VAV2: variants seen among roughly 807,000 people sequenced by gnomAD.
The protein encoded by VAV2 is vav guanine nucleotide exchange factor 2, also known as guanine nucleotide exchange factor VAV2.
In VAV2, 67 loss-of-function variants were observed where a neutral mutation model predicts 132.5. That is an observed-to-expected ratio of 0.51 (90% CI 0.42 to 0.62). The LOEUF is 0.62. VAV2 is among the 20% of genes least tolerant of loss of function. The probability of loss-of-function intolerance (pLI) is 0.00; values close to 1 mark genes in which losing one functional copy is unlikely to be tolerated. For synonymous variants in VAV2, 492 were observed against 443.5 expected (o/e 1.11, Z -1.37); for missense variants, 938 against 1,153.6 (o/e 0.81, Z 2.71).
At chr9:133,770,751 T>C (rs183979784) in intron 26 of VAV2, among the ~76,000 whole-genome samples, 1 of 152,316 alleles carries the variant, frequency 6.6e-6, no homozygotes, top group African/African-American at 2.4e-5. Flanking sequence ...GGACACTGAC[T>C]GCAACAGCCT....
chr9:133,830,825 A>G (rs1294969684), intron 4 of VAV2, among the ~76,000 whole-genome samples: 4 of 152,200 alleles, frequency 2.6e-5, no homozygotes, highest in African/African-American at 9.7e-5. Flanking sequence ...AGGATAGGAA[A>G]TCTTGCCTTT....
chr9:133,772,419 C>T (rs1233796628), intron 25 of VAV2, among the ~76,000 whole-genome samples: 1 of 152,214 alleles, frequency 6.6e-6, no homozygotes, highest in African/African-American at 2.4e-5. Flanking sequence ...TCCTGACATC[C>T]TTCCCTGCAT....
Position 133,791,935 on chromosome 9 carries a change from G to A in VAV2, c.1102-66C>T. 4.7e-6 allele frequency: 6 copies of A among 1,288,884 alleles called. No individual in the cohort carries two copies. In the Admixed American group the frequency reaches 5.3e-5, roughly 11 times the overall value. 79.8% of individuals were successfully genotyped at this position (1,288,884 alleles called of 1,614,324 possible). ...GGGGTGTGTGTGACTGTGTGTGTAA[G>A]CAGGCTGTACTGGGTGGGGTGTGTG... is the stretch of plus-strand genomic sequence containing the variant. On this transcript the variant is annotated intron_variant, in intron 12 of 29. Transcript: ENST00000371850.
chr9:133,776,211 G>T, intron 23 of VAV2, 131 bp from the exon 24 acceptor site: 4 of 1,285,082 alleles, frequency 3.1e-6, no homozygotes, highest in South Asian at 1.7e-5. Flanking sequence ...TGTGGACTTA[G>T]CCCCAGCGCC....
At chr9:133,956,960 C>T (rs1027823797) in intron 1 of VAV2, among the ~76,000 whole-genome samples, 1 of 152,226 alleles carries the variant, frequency 6.6e-6, no homozygotes, top group African/African-American at 2.4e-5. Flanking sequence ...CCTGGGCGCA[C>T]CTGTTTGCAG....
intron 7 of VAV2, among the ~76,000 whole-genome samples, chr9:133,808,791 C>T (rs1028998632): frequency 1.2e-4 from 19 of 152,198 alleles, no homozygotes; most frequent in South Asian, 8.3e-4. Flanking sequence ...AATCCCACCC[C>T]GATTAAGCTC....
intron 1 of VAV2, among the ~76,000 whole-genome samples, chr9:133,957,875 C>T (rs1381382465): frequency 1.3e-5 from 2 of 151,762 alleles, no homozygotes; most frequent in African/African-American, 4.8e-5. Context: ...AAGAAAAATT[C>T]TTCTGCCTTG....
intron 21 of VAV2, among the ~76,000 whole-genome samples, chr9:133,779,199 CG>C (rs1833919129): frequency 6.6e-6 from 1 of 152,244 alleles, no homozygotes; most frequent in Non-Finnish European, 1.5e-5. Context: ...GGGCAGAAGA[CG>C]GGGGATCCCT....
intron 2 of VAV2, among the ~76,000 whole-genome samples, chr9:133,937,455 CTG>C (rs1840957976): frequency 6.8e-6 from 1 of 147,978 alleles, no homozygotes; most frequent in African/African-American, 2.5e-5. Flanking sequence ...CTGTGTGTGT[CTG>C]AGTGTGAGTG....
intron 18 of VAV2, 118 bp downstream of exon 18, chr9:133,784,199 C>G: frequency 8.8e-7 from 1 of 1,130,826 alleles, no homozygotes; most frequent in Non-Finnish European, 1.3e-6. Context: ...GGGGTATACT[C>G]CCTTAACCCC....
intron 1 of VAV2, among the ~76,000 whole-genome samples, chr9:133,986,838 C>A (rs1842869339): frequency 6.6e-6 from 1 of 152,056 alleles, no homozygotes. Flanking sequence ...GCCCTTCGGG[C>A]ACTTCCATGT....
chr9:133,971,198 G>A (rs7856935), intron 1 of VAV2, among the ~76,000 whole-genome samples: 2,977 of 152,300 alleles, frequency 0.02, 90 homozygotes, highest in African/African-American at 0.067. Flanking sequence ...GCTTGCAGAT[G>A]GAACAGTCGT....
intron 20 of VAV2, among the ~76,000 whole-genome samples, chr9:133,780,491 G>A (rs1833969267): frequency 6.6e-6 from 1 of 152,152 alleles, no homozygotes. Flanking sequence ...AGCTGGGATC[G>A]GAAGACACCG....
chr9:133,849,515 G>C (rs1837084837), intron 3 of VAV2, among the ~76,000 whole-genome samples: 1 of 152,230 alleles, frequency 6.6e-6, no homozygotes, highest in Non-Finnish European at 1.5e-5. Context: ...AGCTGGCTGT[G>C]AAGTGAAACC....
At chr9:133,944,005 G>A (rs550004537) in intron 1 of VAV2, among the ~76,000 whole-genome samples, 9 of 152,328 alleles carry the variant, frequency 5.9e-5, no homozygotes, top group Middle Eastern at 3.4e-3. Context: ...GCGCAGGGCC[G>A]GAGAGCCAAG....
Position 133,806,199 on chromosome 9 carries a change from C to G in VAV2, c.736-18G>C. Reference sequence around the variant, plus strand: ...ATCAGGTCCTGGGTTGAAAACCAGCCGTGAGTGCCTGGCCAGGCCCACCCA... The same window carrying G: ...ATCAGGTCCTGGGTTGAAAACCAGCGGTGAGTGCCTGGCCAGGCCCACCCA... On this transcript the variant is annotated intron_variant, in intron 8 of 29. Transcript: ENST00000371850. The G allele has an allele frequency of 6.2e-7, 1 of 1,606,370 alleles. No individual in the cohort carries two copies. The highest frequency in any genetic ancestry group is 8.5e-7 in the Non-Finnish European group (1 of 1,177,130).
chr9:133,974,752 G>A (rs1049721460), intron 1 of VAV2, among the ~76,000 whole-genome samples: 6 of 116,938 alleles, frequency 5.1e-5, no homozygotes, highest in East Asian at 5.2e-4. Flanking sequence ...AGTGCGCCGC[G>A]GACAGATAGG....
chr9:133,776,689 C>T (rs369028661), intron 23 of VAV2, among the ~76,000 whole-genome samples: 150 of 152,314 alleles, frequency 9.8e-4, no homozygotes, highest in African/African-American at 3.3e-3. Context: ...CGCCTGGTCC[C>T]CTTGGTCACG....
At chr9:133,949,274 T>A (rs1345321774) in intron 1 of VAV2, among the ~76,000 whole-genome samples, 1 of 152,022 alleles carries the variant, frequency 6.6e-6, no homozygotes, top group African/African-American at 2.4e-5. Context: ...TTCCCCTCCT[T>A]CCCCGAGGAC....
Sources: allele counts gnomAD v4.1 joint callset (sites outside exome capture counted in the v4.1 genomes callset), GRCh38; gene constraint gnomAD v4.1.1; transcripts MANE v1.5; gene names NCBI Gene and HGNC (gene_info 2026-07-23, HGNC 2026-07-21).